The following KMT2C variants were observed in gnomAD, a reference collection of about 807,000 sequenced individuals.
KMT2C encodes histone-lysine N-methyltransferase 2C.
Under a neutral mutation model 507.9 loss-of-function variants are expected in KMT2C, and 88 were observed. The observed-to-expected ratio is 0.17, with a 90% confidence interval of 0.15 to 0.21. The LOEUF (loss-of-function observed/expected upper bound fraction) is 0.21. Ranked by LOEUF, KMT2C falls within the 10% of genes least tolerant of loss-of-function variation. The pLI is 1.00. For missense variants in KMT2C, 4,954 were observed against 5,957.8 expected (o/e 0.83, Z 5.55); for synonymous variants, 2,049 against 2,080.8 (o/e 0.98, Z 0.42).
At chr7:152,351,011 T>C (rs1280113901) in intron 2 of KMT2C, among the ~76,000 whole-genome samples, 1 of 152,174 alleles carries the variant, frequency 6.6e-6, no homozygotes, top group Non-Finnish European at 1.5e-5. Context: ...GAAGTCGGGA[T>C]CGTCACTATC....
rs1224573944 is a variant in KMT2C at position 152,177,938 on chromosome 7, T to C, written c.7515A>G (p.Ile2505Met). 21 of 1,606,168 alleles carry C rather than the reference T, an allele frequency of 1.3e-5. No individual in the cohort carries two copies. Among genetic ancestry groups the C allele is most frequent in the Non-Finnish European group, 1.7e-5 (20 of 1,179,132 alleles). ...GCTGTGGAGAAACTCCAGATCCCTGTATTTGCTGAGGAGGCACAAGGAAGC... is the reference window on the plus strand; with the variant it reads ...GCTGTGGAGAAACTCCAGATCCCTGCATTTGCTGAGGAGGCACAAGGAAGC... ...QERFLVPPQQ[I>M]QGSGVSPQLR... is the part of the protein sequence containing the mutation. Residue 2505 changes from isoleucine to methionine, a missense_variant, in exon 38 of 59, where the codon ATA becomes ATG. By Grantham distance (10) the Ile-to-Met change is conservative. Around this residue, in one of 29 missense-constraint regions of KMT2C, gnomAD observed 1,689 missense variants for 1,654.3 expected, o/e 1.02. Coordinates refer to ENST00000262189, the MANE Select transcript of KMT2C (RefSeq NM_170606.3).
Position 152,181,562 on chromosome 7 carries a change from T to G in KMT2C, c.6298A>C (p.Thr2100Pro). 1 of 1,613,816 alleles carries G rather than the reference T, an allele frequency of 6.2e-7. No homozygotes were observed. The highest frequency in any genetic ancestry group is 1.1e-5 in the South Asian group (1 of 91,042). ...GATTCATTCACTGCTGGATGTGGGG[T>G]AAGGGGAGGCTGACTATATGGATCA... ...SNDPYSQPPL[T>P]PHPAVNESFA... The change falls in exon 36 of 59, where the codon ACC (threonine) becomes CCC (proline). Residue 2100 changes from threonine to proline, a missense_variant. Coordinates refer to ENST00000262189, the MANE Select transcript of KMT2C (RefSeq NM_170606.3).
chr7:152,201,520 C>G (rs2094140097), intron 26 of KMT2C, among the ~76,000 whole-genome samples: 1 of 140,948 alleles, frequency 7.1e-6, no homozygotes, highest in African/African-American at 2.6e-5. Flanking sequence ...ACAGAAGGAT[C>G]AATAGGAGGA....
intron 48 of KMT2C, 21 bp from the exon 49 acceptor site, chr7:152,152,975 T>C (rs80352408): frequency 3.7e-6 from 6 of 1,611,090 alleles, no homozygotes; most frequent in Non-Finnish European, 4.2e-6. Context: ...ATGCAAATGC[T>C]GTATTATTCA....
chr7:152,346,881 C>G (rs2097063141), intron 2 of KMT2C, among the ~76,000 whole-genome samples: 1 of 152,180 alleles, frequency 6.6e-6, no homozygotes, highest in Non-Finnish European at 1.5e-5. Flanking sequence ...AATCCCAGCA[C>G]TCTGGGAGGC....
chr7:152,255,154 T>C (rs1357232481), intron 9 of KMT2C, among the ~76,000 whole-genome samples: 1 of 136,024 alleles, frequency 7.4e-6, no homozygotes, highest in East Asian at 2.1e-4. Context: ...TACATATATA[T>C]ATATGTGTGT....
At chr7:152,324,349 T>C (rs138050422) in intron 3 of KMT2C, among the ~76,000 whole-genome samples, 2 of 151,664 alleles carry the variant, frequency 1.3e-5, no homozygotes, top group East Asian at 3.9e-4. Context: ...TGAGAGTTAA[T>C]CAAGGTAATG....
intron 2 of KMT2C, among the ~76,000 whole-genome samples, chr7:152,343,084 T>A (rs1589312313): frequency 6.6e-6 from 1 of 151,826 alleles, no homozygotes; most frequent in East Asian, 1.9e-4. Flanking sequence ...CACCTGGCTA[T>A]CGAGAAAAAA....
In KMT2C at chr7:152,290,287, TATATATA is replaced by T. The variant is rs1205371073; in HGVS notation, c.850-16427_850-16421del. 1.6e-3 allele frequency among the ~76,000 whole-genome samples: 59 copies of T among 38,006 alleles called. 1 individual carries two copies. Among genetic ancestry groups the T allele is most frequent in the African/African-American group, 2.5e-3 (18 of 7,248 alleles). 24.9% of individuals were successfully genotyped at this position (38,006 alleles called of 152,430 possible). A position where few individuals can be genotyped will look rare whatever the true frequency, so the allele number is the denominator to read the frequency against. The stretch of plus-strand genomic sequence containing the variant: ...ATATATATATATATATATATATATA[TATATATA>T]TTTTTTTTTTTTTTTTTTTTTTTTT... On this transcript the variant is annotated intron_variant, in intron 6 of 58. Coordinates refer to ENST00000262189, the MANE Select transcript of KMT2C (RefSeq NM_170606.3).
At chr7:152,348,599 T>TAAAAAAAAAAAAAAAAAAAA (rs201530125) in intron 2 of KMT2C, among the ~76,000 whole-genome samples, 93 of 48,908 alleles carry the variant, frequency 1.9e-3, no homozygotes, top group Middle Eastern at 0.023. Flanking sequence ...AACTCTGTCT[T>TAAAAAAAAAAAAAAAAAAAA]AAAAAAAAAA....
At chr7:152,330,766 AAAGAGTCATTTTT>A in intron 2 of KMT2C, 27 bp from the exon 3 acceptor site, 2 of 1,607,724 alleles carry the variant, frequency 1.2e-6, no homozygotes, top group Non-Finnish European at 1.7e-6. Context: ...AAGAGAAAAC[AAAGAGTCATTTTT>A]GTGTTTATTT....
intron 1 of KMT2C, among the ~76,000 whole-genome samples, chr7:152,411,874 T>G (rs71234239): frequency 1.3e-3 from 195 of 145,016 alleles, no homozygotes; most frequent in South Asian, 4.1e-3. Flanking sequence ...TCAGTAAATC[T>G]CTAAATCCTT....
At chr7:152,242,883 C>T (rs1311078792) in intron 14 of KMT2C, among the ~76,000 whole-genome samples, 1 of 152,126 alleles carries the variant, frequency 6.6e-6, no homozygotes, top group Non-Finnish European at 1.5e-5. Flanking sequence ...CAACCCCAGC[C>T]CCACACTCTT....
At chr7:152,149,996 T>G (rs1410423985) in intron 51 of KMT2C, among the ~76,000 whole-genome samples, 1 of 152,236 alleles carries the variant, frequency 6.6e-6, no homozygotes, top group Non-Finnish European at 1.5e-5. Context: ...TAGATTTTAT[T>G]ACAGGCATAC....
intron 21 of KMT2C, among the ~76,000 whole-genome samples, 178 bp from the exon 22 acceptor site, chr7:152,222,244 A>T (rs1372756462): frequency 1.3e-5 from 2 of 152,236 alleles, no homozygotes; most frequent in African/African-American, 4.8e-5. Flanking sequence ...TGAAGGAAAT[A>T]CTCAAGTCAT....
chr7:152,272,840 AC>A (rs1210808114), intron 7 of KMT2C, among the ~76,000 whole-genome samples: 1 of 152,152 alleles, frequency 6.6e-6, no homozygotes, highest in Non-Finnish European at 1.5e-5. Flanking sequence ...AGCTATACTT[AC>A]GTTTCACAGA....
At chr7:152,155,649 AATTAGATTAAATAATCTAAT>A (rs1330821334) in intron 46 of KMT2C, among the ~76,000 whole-genome samples, 2 of 152,210 alleles carry the variant, frequency 1.3e-5, no homozygotes, top group African/African-American at 4.8e-5. Flanking sequence ...TAGATTATTT[AATTAGATTAAATAATCTAAT>A]ACTTAACTGT....
intron 3 of KMT2C, among the ~76,000 whole-genome samples, chr7:152,330,388 G>A (rs7806141): frequency 7.9e-5 from 12 of 151,986 alleles, no homozygotes; most frequent in East Asian, 7.7e-4. Flanking sequence ...GAGTAAAACC[G>A]TAGTGTGCTG....
rs990172876 is a variant in KMT2C, at chr7:152,151,704, T to A, written c.12527-123A>T. 21 of 663,182 alleles carry A rather than the reference T, an allele frequency of 3.2e-5. No homozygotes were observed. In the African/African-American group the frequency reaches 3.4e-4, roughly 11 times the overall value. The allele number at this position is 663,182 out of a possible 1,614,324, so 41.1% of individuals were successfully genotyped here. A position where few individuals can be genotyped will look rare whatever the true frequency, so the allele number is the denominator to read the frequency against. ...TTCATTAACATTATTCTTTAATTAA[T>A]AAAAAAAATTTATCTTCTAAGCAAT... On this transcript the variant is annotated intron_variant, in intron 49 of 58. Coordinates refer to ENST00000262189, the MANE Select transcript of KMT2C (RefSeq NM_170606.3).
Sources: gnomAD v4.1 joint callset for allele counts (sites outside exome capture counted in the v4.1 genomes callset) on GRCh38, gnomAD v4.1.1 for gene constraint, gnomAD v4.1.1 regional missense constraint, MANE v1.5 for transcripts, NCBI Gene and HGNC (gene_info 2026-07-23, HGNC 2026-07-21) for gene names.